Variants in SPECC1 observed in about 807,000 individuals in gnomAD.
SPECC1 encodes the protein cytospin-B.
A neutral mutation model predicts 104.1 loss-of-function variants in SPECC1; 62 were observed. The ratio of observed to expected loss-of-function variants is 0.60; its 90% CI spans 0.49 to 0.74. The LOEUF (loss-of-function observed/expected upper bound fraction) is 0.74. Ranked by LOEUF, SPECC1 falls within the 30% of genes least tolerant of loss-of-function variation. SPECC1 has a pLI of 0.00. For synonymous variants in SPECC1, 513 were observed against 501.6 expected, an observed-to-expected ratio of 1.02 and a Z score of -0.30; for missense variants, 1,306 against 1,310.5, an observed-to-expected ratio of 1.00 and a Z score of 0.05.
At chr17:20,045,877 C>T (rs1413089033) in intron 1 of SPECC1, among the ~76,000 whole-genome samples, 3 of 152,114 alleles carry the variant, frequency 2.0e-5, no homozygotes, top group Non-Finnish European at 4.4e-5. Context: ...AACTCCTACT[C>T]TTGTTTTCAA....
chr17:20,291,767 A>C (rs2141975796), intron 12 of SPECC1, among the ~76,000 whole-genome samples: 1 of 151,956 alleles, frequency 6.6e-6, no homozygotes, highest in East Asian at 1.9e-4. Flanking sequence ...CCGGTCTCAA[A>C]CCCCTGAGCT....
At chr17:20,304,387 T>C (rs1193353272) in intron 13 of SPECC1, among the ~76,000 whole-genome samples, 2 of 152,124 alleles carry the variant, frequency 1.3e-5, no homozygotes, top group Non-Finnish European at 2.9e-5. Flanking sequence ...TTTAATATAA[T>C]CCTAATAATT....
At chr17:20,292,247 G>GGGTTT (rs1446070757) in intron 12 of SPECC1, among the ~76,000 whole-genome samples, 2 of 152,160 alleles carry the variant, frequency 1.3e-5, no homozygotes, top group East Asian at 3.9e-4. Context: ...CACCTTCCCA[G>GGGTTT]GGTTTGATGT....
In SPECC1 at chr17:20,188,105, A is replaced by G. The variant is rs139356535; in HGVS notation, c.284-16228A>G. On this transcript the variant is annotated intron_variant, in intron 3 of 14. Coordinates refer to ENST00000395527, the MANE Select transcript of SPECC1 (RefSeq NM_001243439.2). Reference sequence around the variant, plus strand: ...GGTTTCCTTTTACTGAAAATATTCAATGGTAACTGGAACATGAGACTTTAG... The same window carrying G: ...GGTTTCCTTTTACTGAAAATATTCAGTGGTAACTGGAACATGAGACTTTAG... Among the ~76,000 whole-genome samples the G allele has an allele frequency of 2.0e-4, 31 of 152,334 alleles. 1 individual carries two copies. Among genetic ancestry groups the G allele is most frequent in the South Asian group, 1.5e-3 (7 of 4,822 alleles).
intron 1 of SPECC1, among the ~76,000 whole-genome samples, chr17:20,025,139 A>G (rs1183439084): frequency 6.6e-6 from 1 of 152,174 alleles, no homozygotes; most frequent in Non-Finnish European, 1.5e-5. Flanking sequence ...AAATTTGGAC[A>G]TGGGCACACA....
At position 20,141,295 on chromosome 17, in the gene SPECC1, G is replaced by C. The variant is rs557317980; in HGVS notation, c.283+30733G>C. 1.1e-3 allele frequency among the ~76,000 whole-genome samples: 174 copies of C among 152,278 alleles called. 2 individuals are homozygous for C. The South Asian group carries it at 0.036, about 31-fold the overall frequency. Reference sequence around the variant, plus strand: ...GCCTAATAACTCTCTGTTGCCGTGAGTTGAACCCAGCTCACTGGACCTGCT... The same window carrying C: ...GCCTAATAACTCTCTGTTGCCGTGACTTGAACCCAGCTCACTGGACCTGCT... On this transcript the variant is annotated intron_variant, in intron 3 of 14. Coordinates refer to ENST00000395527, the MANE Select transcript of SPECC1 (RefSeq NM_001243439.2).
At chr17:20,196,503 A>G (rs2151306393) in intron 3 of SPECC1, among the ~76,000 whole-genome samples, 1 of 152,216 alleles carries the variant, frequency 6.6e-6, no homozygotes, top group East Asian at 1.9e-4. Context: ...TAGGAGGCCT[A>G]ACAACCTTTG....
At chr17:20,029,753 C>G (rs2044734638) in intron 1 of SPECC1, among the ~76,000 whole-genome samples, 1 of 151,960 alleles carries the variant, frequency 6.6e-6, no homozygotes, top group African/African-American at 2.4e-5. Flanking sequence ...TAGTAATGTC[C>G]CCTCTTTTAT....
At chr17:20,235,798 G>T (rs2038875633) in intron 7 of SPECC1, among the ~76,000 whole-genome samples, 1 of 152,212 alleles carries the variant, frequency 6.6e-6, no homozygotes, top group Admixed American at 6.5e-5. Flanking sequence ...AATTAATGCT[G>T]TTGGTTTCTA....
intron 12 of SPECC1, among the ~76,000 whole-genome samples, chr17:20,287,245 G>C (rs888291726): frequency 1.3e-5 from 2 of 151,986 alleles, no homozygotes; most frequent in East Asian, 3.9e-4. Context: ...GTGAAACCCC[G>C]TCTCTACGAA....
intron 13 of SPECC1, among the ~76,000 whole-genome samples, chr17:20,301,672 G>A (rs1212066423): frequency 6.6e-6 from 1 of 152,034 alleles, no homozygotes; most frequent in Non-Finnish European, 1.5e-5. Flanking sequence ...CACAGGGTGC[G>A]ATTTACAGTC....
At chr17:20,117,051 C>G (rs17686622) in intron 3 of SPECC1, among the ~76,000 whole-genome samples, 36,112 of 151,624 alleles carry the variant, frequency 0.24, 5,513 homozygotes, top group Middle Eastern at 0.34. Context: ...CTTAGGCATT[C>G]TGGAACTGAA....
intron 12 of SPECC1, among the ~76,000 whole-genome samples, chr17:20,279,097 T>A (rs911360940): frequency 1.3e-5 from 2 of 152,180 alleles, no homozygotes; most frequent in African/African-American, 4.8e-5. Flanking sequence ...TTGCTGCTGT[T>A]CCTTCTCCAT....
chr17:20,166,558 G>A (rs967945864), intron 3 of SPECC1, among the ~76,000 whole-genome samples: 1 of 152,034 alleles, frequency 6.6e-6, no homozygotes, highest in African/African-American at 2.4e-5. Context: ...CAAATAATAA[G>A]CAAATTTATT....
chr17:20,156,278 A>AC (rs3833861), intron 3 of SPECC1: 639,709 of 1,313,656 alleles, frequency 0.49, 157,588 homozygotes, highest in African/African-American at 0.6. Flanking sequence ...CCGCAACCCC[A>AC]CCCCCCCTCC....
At chr17:20,305,433 T>C (rs1336635593) in intron 13 of SPECC1, among the ~76,000 whole-genome samples, 1 of 152,190 alleles carries the variant, frequency 6.6e-6, no homozygotes, top group African/African-American at 2.4e-5. Flanking sequence ...GCTATGTGTC[T>C]ATAGTGTAAG....
intron 12 of SPECC1, among the ~76,000 whole-genome samples, chr17:20,289,056 T>G (rs1290658009): frequency 6.6e-6 from 1 of 152,032 alleles, no homozygotes; most frequent in Non-Finnish European, 1.5e-5. Flanking sequence ...GTGCTGGGAT[T>G]ATAGGCATGA....
chr17:20,081,026 G>C (rs563922236), intron 1 of SPECC1, among the ~76,000 whole-genome samples: 4 of 152,184 alleles, frequency 2.6e-5, no homozygotes, highest in African/African-American at 9.7e-5. Context: ...CCCTGTGCCT[G>C]TGAGTTTCTC....
chr17:20,110,514 G>A lies in SPECC1; in HGVS notation c.235G>A (p.Ala79Thr), dbSNP rs770591182. 3 of 1,614,010 alleles carry A rather than the reference G, an allele frequency of 1.9e-6. No individual in the cohort carries two copies. The highest frequency in any genetic ancestry group is 4.5e-5 in the East Asian group (2 of 44,846). The change falls in exon 3 of 15, where the codon GCC (alanine) becomes ACC (threonine). Residue 79 changes from alanine (A) to threonine (T), a missense_variant. Around this residue, in one of 2 missense-constraint regions of SPECC1, gnomAD observed 1,177 missense variants for 1,139.9 expected, o/e 1.03. Coordinates refer to ENST00000395527, the MANE Select transcript of SPECC1 (RefSeq NM_001243439.2). ...GVVRLKKTAT[A>T]GAISELTESR... ...GGTTCGCCTGAAGAAGACCGCCACTGCCGGAGCCATCTCGGAGCTCACGGA... is the reference window on the plus strand; with the variant it reads ...GGTTCGCCTGAAGAAGACCGCCACTACCGGAGCCATCTCGGAGCTCACGGA...
Sources: gnomAD v4.1 joint callset for allele counts (sites outside exome capture counted in the v4.1 genomes callset) on GRCh38, gnomAD v4.1.1 for gene constraint, gnomAD v4.1.1 regional missense constraint, MANE v1.5 for transcripts, NCBI Gene and HGNC (gene_info 2026-07-23, HGNC 2026-07-21) for gene names.